WWP2: variants seen among roughly 807,000 people sequenced by gnomAD.
WWP2 encodes the protein WW domain containing E3 ubiquitin protein ligase 2.
Under a neutral mutation model 121.0 loss-of-function variants are expected in WWP2, and 57 were observed. That is an observed-to-expected ratio of 0.47 (90% CI 0.38 to 0.59). WWP2 has a LOEUF of 0.59. WWP2 is among the 20% of genes least tolerant of loss of function. WWP2 has a pLI of 0.00. For synonymous variants in WWP2, 449 were observed against 441.3 expected (o/e 1.02, Z -0.22); for missense variants, 962 against 1,158.9 (o/e 0.83, Z 2.47).
At chr16:69,817,659 C>CTTTTT (rs200998762) in intron 4 of WWP2, among the ~76,000 whole-genome samples, 1 of 119,954 alleles carries the variant, frequency 8.3e-6, no homozygotes, top group Non-Finnish European at 1.8e-5. Context: ...TTGTTAAACT[C>CTTTTT]TTTTTTTTTT....
chr16:69,838,814 G>C, intron 4 of WWP2: 1 of 985,542 alleles, frequency 1.0e-6, no homozygotes, highest in Non-Finnish European at 1.2e-6. Flanking sequence ...ACTCAGAAAA[G>C]AATTGGAGAG....
chr16:69,808,176 AG>A (rs1428943372), intron 4 of WWP2, among the ~76,000 whole-genome samples: 3 of 152,156 alleles, frequency 2.0e-5, no homozygotes, highest in African/African-American at 7.2e-5. Context: ...ATTTCATATT[AG>A]TGAGAACATG....
intron 2 of WWP2, among the ~76,000 whole-genome samples, chr16:69,795,354 G>A (rs2056011743): frequency 6.6e-6 from 1 of 151,950 alleles, no homozygotes; most frequent in African/African-American, 2.4e-5. Context: ...AATAGTCACT[G>A]TAGCCACATA....
chr16:69,778,098 C>G (rs1359545493), intron 1 of WWP2, among the ~76,000 whole-genome samples: 1 of 131,932 alleles, frequency 7.6e-6, no homozygotes, highest in African/African-American at 2.9e-5. Flanking sequence ...TATACACACA[C>G]ACACACACAT....
In WWP2 at chr16:69,930,315, G is replaced by C. The variant is rs1208451925; in HGVS notation, c.1445+57G>C. On this transcript the variant is annotated intron_variant, in intron 13 of 23. Transcript: ENST00000359154. ...AGGAGCCGAGGCCCAGGCTGTCCTT[G>C]TTCTGGCTCTGGGAGGCCCACTTTG... 3.3e-5 allele frequency: 52 copies of C among 1,597,006 alleles called. No homozygotes were observed. In the South Asian group the frequency reaches 5.7e-4, roughly 18 times the overall value.
intron 1 of WWP2, among the ~76,000 whole-genome samples, chr16:69,781,647 C>T (rs769743097): frequency 1.3e-5 from 2 of 152,048 alleles, no homozygotes; most frequent in African/African-American, 2.4e-5. Context: ...GGCTTTTACT[C>T]TGAGTTAGAC....
chr16:69,779,708 A>G (rs1300844810), intron 1 of WWP2, among the ~76,000 whole-genome samples: 1 of 152,188 alleles, frequency 6.6e-6, no homozygotes, highest in East Asian at 1.9e-4. Flanking sequence ...GGAAAGAAAG[A>G]GTCCCAATAG....
intron 2 of WWP2, among the ~76,000 whole-genome samples, 196 bp downstream of exon 2, chr16:69,787,276 T>A (rs976234110): frequency 3.3e-5 from 5 of 152,196 alleles, no homozygotes; most frequent in Non-Finnish European, 7.3e-5. Flanking sequence ...ATAGGGAACT[T>A]TTAGCTAAAA....
chr16:69,916,180 A>G (rs1437784697), intron 9 of WWP2, among the ~76,000 whole-genome samples: 1 of 152,100 alleles, frequency 6.6e-6, no homozygotes, highest in Non-Finnish European at 1.5e-5. Context: ...TGGGGAGTCA[A>G]TGGAAGTGTT....
chr16:69,782,586 TAAG>T (rs2055687125), intron 1 of WWP2, among the ~76,000 whole-genome samples: 1 of 152,202 alleles, frequency 6.6e-6, no homozygotes, highest in Non-Finnish European at 1.5e-5. Flanking sequence ...GAGCTCTTGA[TAAG>T]AAGAGTTTGG....
rs763033318 is a variant in WWP2, at chr16:69,931,530, G to T, written c.1543G>T (p.Val515Leu). ...TCAGTCAAATGCCCTACCTAGCCAC[G>T]TGAAGATCAGCGTTTCCAGGCAGAC... ...LCHSNALPSH[V>L]KISVSRQTLF... The change falls in exon 15 of 24, where the codon GTG becomes TTG. Residue 515 changes from valine (V) to leucine (L), a missense_variant. Coordinates refer to ENST00000359154, the MANE Select transcript of WWP2 (RefSeq NM_001270454.2). 17 of 1,613,038 alleles carry T rather than the reference G, an allele frequency of 1.1e-5. No homozygotes were observed. The East Asian group carries it at 3.8e-4, about 36-fold the overall frequency.
intron 1 of WWP2, among the ~76,000 whole-genome samples, chr16:69,769,316 C>CAAAAAAA (rs1186524809): frequency 5.2e-5 from 4 of 76,392 alleles, no homozygotes; most frequent in African/African-American, 1.4e-4. Flanking sequence ...GACTCCATCT[C>CAAAAAAA]AAAAAAAAAA....
intron 1 of WWP2, among the ~76,000 whole-genome samples, chr16:69,768,460 A>G (rs2055347183): frequency 1.3e-5 from 2 of 152,072 alleles, no homozygotes; most frequent in African/African-American, 2.4e-5. Context: ...AATACAAAAA[A>G]TTAGCTAGGC....
intron 21 of WWP2, 40 bp from the exon 22 acceptor site, chr16:69,938,987 C>A (rs754011116): frequency 6.4e-7 from 1 of 1,560,916 alleles, no homozygotes. Flanking sequence ...TACTGGGCCC[C>A]GTGGGTTGCC....
chr16:69,828,843 C>G (rs2056747789), intron 4 of WWP2, among the ~76,000 whole-genome samples: 1 of 152,014 alleles, frequency 6.6e-6, no homozygotes, highest in Non-Finnish European at 1.5e-5. Flanking sequence ...TTTCACCTTC[C>G]TCTCTATGCA....
chr16:69,836,645 C>T (rs1366738063), intron 4 of WWP2, among the ~76,000 whole-genome samples: 1 of 152,160 alleles, frequency 6.6e-6, no homozygotes, highest in East Asian at 1.9e-4. Context: ...GGGTCTCGCT[C>T]TGTCACACAG....
intron 7 of WWP2, 116 bp downstream of exon 7, chr16:69,872,047 C>G: frequency 7.0e-7 from 1 of 1,430,580 alleles, no homozygotes; most frequent in Non-Finnish European, 9.3e-7. Flanking sequence ...TCAGAAGGCT[C>G]TAGGACTAAA....
At chr16:69,903,135 A>C (rs1286811490) in intron 8 of WWP2, among the ~76,000 whole-genome samples, 1 of 152,218 alleles carries the variant, frequency 6.6e-6, no homozygotes, top group Non-Finnish European at 1.5e-5. Context: ...GCGGGACAAT[A>C]ATAGTCCCTG....
At chr16:69,853,634 G>A (rs534342648) in intron 6 of WWP2, among the ~76,000 whole-genome samples, 7 of 151,946 alleles carry the variant, frequency 4.6e-5, no homozygotes, top group Non-Finnish European at 7.4e-5. Flanking sequence ...CCAGACTCAG[G>A]GACTGACGAA....
Sources: allele counts gnomAD v4.1 joint callset (sites outside exome capture counted in the v4.1 genomes callset), GRCh38; gene constraint gnomAD v4.1.1; transcripts MANE v1.5; gene names NCBI Gene and HGNC (gene_info 2026-07-23, HGNC 2026-07-21).